RPL11: variants seen among roughly 807,000 people sequenced by gnomAD.
RPL11 encodes large ribosomal subunit protein uL5.
Under a neutral mutation model 24.1 loss-of-function variants are expected in RPL11, and 3 were observed. The observed-to-expected ratio is 0.12, with a 90% CI of 0.06 to 0.32. The LOEUF (loss-of-function observed/expected upper bound fraction) is 0.32, where lower values mean the gene tolerates loss of function less well. Among genes scored for constraint, RPL11 ranks in the 10% least tolerant of loss-of-function variants. The pLI is 1.00. For synonymous variants in RPL11, 96 were observed against 75.7 expected (o/e 1.27, Z -1.39); for missense variants, 146 against 225.7 (o/e 0.65, Z 2.26).
At position 23,692,144 on chromosome 1, in the gene RPL11, C is replaced by A. The variant is rs1644504032; in HGVS notation, c.6+315C>A. 1.7e-5 allele frequency: 9 copies of A among 532,858 alleles called. No homozygotes were observed. The South Asian group carries it at 1.9e-4, about 11-fold the overall frequency. 33.0% of individuals were successfully genotyped at this position (532,858 alleles called of 1,614,324 possible). A position where few individuals can be genotyped will look rare whatever the true frequency, so the allele number is the denominator to read the frequency against. On this transcript the variant is annotated intron_variant, in intron 1 of 5. Transcript: ENST00000643754. ...CCGGGCCTTTTCCTGGTCCCGGGGA[C>A]TTGAGACTTGCTCGGTGCTAGGAAA...
chr1:23,696,212 T>C lies in RPL11; in HGVS notation c.508-132T>C, dbSNP rs529188466. The stretch of plus-strand genomic sequence containing the variant: ...TGTAAAAACCAGCCAGCTTCCTATT[T>C]AGTCCAGAAAAGGATGGGATTCAGA... On this transcript the variant is annotated intron_variant, in intron 5 of 5. Transcript: ENST00000643754. 1.8e-5 allele frequency: 16 copies of C among 882,122 alleles called. 1 individual carries two copies. In the South Asian group the frequency reaches 2.3e-4, roughly 12 times the overall value. 54.6% of individuals were successfully genotyped at this position (882,122 alleles called of 1,614,324 possible).
rs143617222 is a variant in RPL11, at chr1:23,692,626, G to A, written c.24G>A (p.Lys8=). 2.5e-6 allele frequency: 4 copies of A among 1,614,052 alleles called. No individual in the cohort carries two copies. The highest frequency in any genetic ancestry group is 3.4e-6 in the Non-Finnish European group (4 of 1,180,054). MAQDQGE[K]ENPMRELRIR... ...TGTTGCAGCAGGATCAAGGTGAAAA[G>A]GAGAACCCCATGCGGGAACTTCGCA... Residue 8 remains lysine, a synonymous_variant, in exon 2 of 6, where the codon AAG becomes AAA. Transcript: ENST00000643754.
At chr1:23,693,967 A>G (rs112138129) in intron 3 of RPL11, 54 bp downstream of exon 3, 3 of 1,242,126 alleles carry the variant, frequency 2.4e-6, no homozygotes, top group Non-Finnish European at 3.6e-6. Flanking sequence ...TTAGTAACAC[A>G]TGTAGATAAG....
chr1:23,693,776 C>A, intron 2 of RPL11, 31 bp from the exon 3 acceptor site: 1 of 1,488,406 alleles, frequency 6.7e-7, no homozygotes, highest in Non-Finnish European at 9.4e-7. Flanking sequence ...GGTATGATGG[C>A]ATCTGACTCC....
At position 23,696,652 on chromosome 1, in the gene RPL11, T is replaced by C; in HGVS notation, c.*279T>C. On this transcript the variant is annotated 3_prime_UTR_variant, in exon 6 of 6. Coordinates refer to ENST00000643754, the MANE Select transcript of RPL11 (RefSeq NM_000975.5). ...GTAGCCCCATTTGGAGGGGAGGGTT[T>C]GGTTGATGTTGGGGTTTGAATTTAG... 1.9e-6 allele frequency: 1 copy of C among 528,350 alleles called. No individual in the cohort carries two copies. The allele number at this position is 528,350 out of a possible 1,614,324, so 32.7% of individuals were successfully genotyped here.
At chr1:23,693,131 CTATAT>C (rs1305534854) in intron 2 of RPL11, among the ~76,000 whole-genome samples, 1 of 152,148 alleles carries the variant, frequency 6.6e-6, no homozygotes, top group African/African-American at 2.4e-5. Context: ...CTTCAGTGGC[CTATAT>C]TAGTGCCACT....
intron 2 of RPL11, among the ~76,000 whole-genome samples, chr1:23,693,010 GGATAT>G (rs1223446911): frequency 2.0e-5 from 3 of 151,918 alleles, no homozygotes; most frequent in Non-Finnish European, 4.4e-5. Context: ...TAAGTAACTA[GGATAT>G]GAGATAGAGT....
chr1:23,696,264 T>C (rs576437405), intron 5 of RPL11, 80 bp from the exon 6 acceptor site: 1 of 1,313,594 alleles, frequency 7.6e-7, no homozygotes, highest in Non-Finnish European at 1.1e-6. Context: ...CAATCAGATG[T>C]GAATTCTCAA....
chr1:23,693,135 A>G (rs1187992997), intron 2 of RPL11, among the ~76,000 whole-genome samples: 1 of 152,212 alleles, frequency 6.6e-6, no homozygotes, highest in African/African-American at 2.4e-5. Context: ...AGTGGCCTAT[A>G]TTAGTGCCAC....
At position 23,696,294 on chromosome 1, in the gene RPL11, T is replaced by G. The variant is rs1395686987; in HGVS notation, c.508-50T>G. The G allele has an allele frequency of 1.9e-6, 3 of 1,571,278 alleles. No individual in the cohort carries two copies. The Admixed American group carries it at 5.0e-5, about 26-fold the overall frequency. On this transcript the variant is annotated intron_variant, in intron 5 of 5. Coordinates refer to ENST00000643754, the MANE Select transcript of RPL11 (RefSeq NM_000975.5). ...TCTCAAAAGTTAGCCATTGCTGCAA[T>G]CTCTGCTGTTGCCTCCTGTTCTGAA... is the stretch of plus-strand genomic sequence containing the variant.
chr1:23,695,959 G>A lies in RPL11; in HGVS notation c.507+51G>A, dbSNP rs775683622. Reference sequence around the variant, plus strand: ...GTGGTGGAATGTGATGTTGGTGAATGGAGTTGGGATTTGGGGATGCAAAAT... The same window carrying A: ...GTGGTGGAATGTGATGTTGGTGAATAGAGTTGGGATTTGGGGATGCAAAAT... On this transcript the variant is annotated intron_variant, in intron 5 of 5. Transcript: ENST00000643754. 6.0e-5 allele frequency: 91 copies of A among 1,520,542 alleles called. No individual in the cohort carries two copies. The Middle Eastern group carries it at 8.4e-4, about 14-fold the overall frequency. 94.2% of individuals were successfully genotyped at this position (1,520,542 alleles called of 1,614,324 possible).
In RPL11 at chr1:23,695,899, C is replaced by T. The variant is rs1468006931; in HGVS notation, c.498C>T (p.Phe166=). Residue 166 remains phenylalanine, a synonymous_variant, in exon 5 of 6, where the codon TTC becomes TTT. Coordinates refer to ENST00000643754, the MANE Select transcript of RPL11 (RefSeq NM_000975.5). ...GCAAAGAGGAGGCCATGCGCTGGTTCCAGCAGAAGGTAAAGCTGATTTATC... is the reference window on the plus strand; with the variant it reads ...GCAAAGAGGAGGCCATGCGCTGGTTTCAGCAGAAGGTAAAGCTGATTTATC... ...RISKEEAMRW[F]QQKYDGIILP... 1 of 1,579,514 alleles carries T rather than the reference C, an allele frequency of 6.3e-7. No individual in the cohort carries two copies. The highest frequency in any genetic ancestry group is 8.6e-7 in the Non-Finnish European group (1 of 1,162,040).
In RPL11 at chr1:23,694,796, G is replaced by T. The variant is rs767791246; in HGVS notation, c.396+5G>T. On this transcript the variant is annotated splice_donor_5th_base_variant and intron_variant, in intron 4 of 5. Transcript: ENST00000643754. ...TACGGCCTGGACTTCTATGTGGTATGAATATTTAATCTTTTCCCGCTCCTG... is the reference window on the plus strand; with the variant it reads ...TACGGCCTGGACTTCTATGTGGTATTAATATTTAATCTTTTCCCGCTCCTG... 1 of 1,614,142 alleles carries T rather than the reference G, an allele frequency of 6.2e-7. No individual in the cohort carries two copies. Among genetic ancestry groups the T allele is most frequent in the Admixed American group, 1.7e-5 (1 of 60,004 alleles).
intron 4 of RPL11, chr1:23,695,211 G>A (rs1484421499): frequency 1.3e-5 from 4 of 316,986 alleles, no homozygotes; most frequent in African/African-American, 8.6e-5. Flanking sequence ...GCTCAGGAAG[G>A]GGGTTTTAAC....
rs41310397 is a variant in RPL11 at position 23,696,521 on chromosome 1, C to T, written c.*148C>T. 26,586 of 748,206 alleles carry T rather than the reference C, an allele frequency of 0.036. 538 individuals are homozygous for T. The highest frequency in any genetic ancestry group is 0.058 in the African/African-American group (3,354 of 57,854). 46.3% of individuals were successfully genotyped at this position (748,206 alleles called of 1,614,324 possible). A position where few individuals can be genotyped will look rare whatever the true frequency, so the allele number is the denominator to read the frequency against. The stretch of plus-strand genomic sequence containing the variant: ...CGATGGGAGTAGCTGGTAACAACCC[C>T]GTCATCCTCTGATTGGATGCCAGTA... On this transcript the variant is annotated 3_prime_UTR_variant, in exon 6 of 6. Transcript: ENST00000643754.
At chr1:23,695,419 A>G (rs1367903584) in intron 4 of RPL11, 2 of 300,350 alleles carry the variant, frequency 6.7e-6, no homozygotes, top group Non-Finnish European at 1.3e-5. Flanking sequence ...CTGAAGCAGA[A>G]GGAAGAAAAT....
At position 23,696,325 on chromosome 1, in the gene RPL11, T is replaced by C. The variant is rs762158062; in HGVS notation, c.508-19T>C. ...CTGTTGCCTCCTGTTCTGAAAAAAT[T>C]AAATCTCTTCTCTTTCAGTATGATG... On this transcript the variant is annotated intron_variant, in intron 5 of 5. Transcript: ENST00000643754. 6.2e-7 allele frequency: 1 copy of C among 1,613,446 alleles called. No homozygotes were observed. The highest frequency in any genetic ancestry group is 1.3e-5 in the African/African-American group (1 of 74,926).
intron 5 of RPL11, 156 bp downstream of exon 5, chr1:23,696,064 GT>G (rs1644531259): frequency 9.7e-6 from 8 of 825,622 alleles, no homozygotes; most frequent in Admixed American, 6.0e-5. Context: ...AGGGATGATG[GT>G]TTAAAAGAAC....
rs752153080 is a variant in RPL11 at position 23,696,369 on chromosome 1, A to G, written c.533A>G (p.Lys178Arg). 2.0e-5 allele frequency: 32 copies of G among 1,613,936 alleles called. No homozygotes were observed. Among genetic ancestry groups the G allele is most frequent in the Non-Finnish European group, 2.5e-5 (29 of 1,179,912 alleles). ...TATGATGGGATCATCCTTCCTGGCAAATAAATTCCCGTTTCTATCCAAAAG... is the reference window on the plus strand; with the variant it reads ...TATGATGGGATCATCCTTCCTGGCAGATAAATTCCCGTTTCTATCCAAAAG... ...QKYDGIILPG[K>R] Residue 178 changes from lysine (K) to arginine (R), a missense_variant, in exon 6 of 6, where the codon AAA becomes AGA. Physicochemically the swap from Lys to Arg is conservative, Grantham distance 26. Transcript: ENST00000643754.
Sources: allele counts gnomAD v4.1 joint callset (sites outside exome capture counted in the v4.1 genomes callset), GRCh38; gene constraint gnomAD v4.1.1; transcripts MANE v1.5; gene names NCBI Gene and HGNC (gene_info 2026-07-23, HGNC 2026-07-21).